The following HPSE2 variants were observed in gnomAD, a reference collection of about 807,000 sequenced individuals.
HPSE2 encodes heparanase 2 (inactive).
In HPSE2, 38 loss-of-function variants were observed where a neutral mutation model predicts 60.5. That is an observed-to-expected ratio of 0.63 (90% CI 0.48 to 0.82). The LOEUF is 0.82. Ranked by LOEUF, HPSE2 falls within the 40% of genes least tolerant of loss-of-function variation. HPSE2 has a pLI of 0.00. For synonymous variants in HPSE2, 295 were observed against 293.2 expected (o/e 1.01, Z -0.06); for missense variants, 713 against 740.4 (o/e 0.96, Z 0.43).
At chr10:98,924,493 T>C (rs1184874559) in intron 3 of HPSE2, 1 of 152,256 alleles carries the variant, frequency 6.6e-6, no homozygotes, top group East Asian at 1.9e-4. Context: ...GGAAAGGAAG[T>C]AAAGTGGAGG....
At chr10:98,713,555 G>A (rs537584433) in intron 5 of HPSE2, among the ~76,000 whole-genome samples, 141 of 151,936 alleles carry the variant, frequency 9.3e-4, no homozygotes, top group Admixed American at 2.6e-3. Context: ...GATGGTCTCT[G>A]AAAGTAAGAT....
intron 9 of HPSE2, among the ~76,000 whole-genome samples, chr10:98,502,344 A>G (rs1942053275): frequency 6.6e-6 from 1 of 152,230 alleles, no homozygotes; most frequent in Non-Finnish European, 1.5e-5. Flanking sequence ...AATGGTATAA[A>G]AATAGGCATA....
chr10:98,772,250 G>A (rs1232187918), intron 3 of HPSE2, among the ~76,000 whole-genome samples: 2 of 152,192 alleles, frequency 1.3e-5, no homozygotes, highest in Non-Finnish European at 1.5e-5. Flanking sequence ...ACATCCCCAG[G>A]GGCAAATATA....
rs545542979 is a variant in HPSE2 at position 99,145,575 on chromosome 10, A to T, written c.449-1176T>A. Among the ~76,000 whole-genome samples the T allele has an allele frequency of 3.7e-4, 56 of 149,582 alleles. 1 individual carries two copies. The highest frequency in any genetic ancestry group is 1.2e-3 in the East Asian group (6 of 5,006). On this transcript the variant is annotated intron_variant, in intron 2 of 11. Transcript: ENST00000370552. ...TAATTCAACTGATTCTCATAGGTAC[A>T]AATGATACCATCAGCAGTAATCTAG...
At chr10:98,565,185 T>C (rs1589429144) in intron 9 of HPSE2, among the ~76,000 whole-genome samples, 2 of 151,764 alleles carry the variant, frequency 1.3e-5, no homozygotes, top group South Asian at 2.1e-4. Context: ...TACTTTAAGT[T>C]CCAGGATACA....
chr10:98,984,333 C>T (rs1956282771), intron 3 of HPSE2, among the ~76,000 whole-genome samples: 1 of 152,174 alleles, frequency 6.6e-6, no homozygotes, highest in African/African-American at 2.4e-5. Context: ...TTGCTGTTTG[C>T]CAATATCCGC....
intron 3 of HPSE2, among the ~76,000 whole-genome samples, chr10:98,877,394 G>A (rs1282752180): frequency 6.6e-6 from 1 of 151,794 alleles, no homozygotes; most frequent in African/African-American, 2.4e-5. Flanking sequence ...AGGTAGTTTA[G>A]AAAAAATGCA....
the HPSE2 span, among the ~76,000 whole-genome samples, chr10:99,259,537 T>C: frequency 5.8e-3 from 882 of 152,218 alleles, 6 homozygotes; most frequent in African/African-American, 0.02. Flanking sequence ...GAAAAGATGC[T>C]CAACATCATT....
At chr10:98,759,522 A>G (rs1381347132) in intron 3 of HPSE2, among the ~76,000 whole-genome samples, 2 of 152,224 alleles carry the variant, frequency 1.3e-5, no homozygotes, top group East Asian at 3.9e-4. Context: ...TATATCCAGT[A>G]TCCCAATATC....
intron 11 of HPSE2, among the ~76,000 whole-genome samples, chr10:98,473,296 C>T (rs1456755600): frequency 1.3e-5 from 2 of 151,794 alleles, no homozygotes; most frequent in Admixed American, 6.6e-5. Context: ...ACCAGCCTGA[C>T]CAACATGGTG....
intron 3 of HPSE2, among the ~76,000 whole-genome samples, chr10:99,047,142 G>C (rs1283853158): frequency 2.0e-5 from 3 of 152,074 alleles, no homozygotes; most frequent in African/African-American, 7.2e-5. Flanking sequence ...CCATGAAACA[G>C]AGTAGCAAAC....
intron 9 of HPSE2, among the ~76,000 whole-genome samples, chr10:98,492,985 C>T (rs1486473400): frequency 6.6e-6 from 1 of 152,090 alleles, no homozygotes; most frequent in Non-Finnish European, 1.5e-5. Context: ...CTCTTCATTC[C>T]CCCTCCCCCA....
intron 11 of HPSE2, among the ~76,000 whole-genome samples, chr10:98,473,432 C>T (rs113425125): frequency 0.018 from 2,619 of 144,152 alleles, 37 homozygotes; most frequent in Non-Finnish European, 0.024. Context: ...TTGCAGTGAG[C>T]CGAGATTGCA....
intron 2 of HPSE2, among the ~76,000 whole-genome samples, chr10:99,227,837 CTA>C (rs35461640): frequency 0.015 from 2,077 of 142,306 alleles, 22 homozygotes; most frequent in African/African-American, 0.033. Context: ...AGTTGAATGT[CTA>C]TATATATATA....
chr10:98,708,907 T>C (rs1277311233), intron 5 of HPSE2, among the ~76,000 whole-genome samples: 6 of 152,144 alleles, frequency 3.9e-5, no homozygotes, highest in Admixed American at 3.9e-4. Flanking sequence ...GAAAAATAAT[T>C]AGATACAATT....
chr10:98,710,829 A>G (rs1175408543), intron 5 of HPSE2, among the ~76,000 whole-genome samples: 1 of 152,080 alleles, frequency 6.6e-6, no homozygotes, highest in Non-Finnish European at 1.5e-5. Context: ...CTGAGCCTAT[A>G]GTAAGAGAGC....
intron 3 of HPSE2, among the ~76,000 whole-genome samples, chr10:98,913,329 T>C (rs1447566720): frequency 6.6e-6 from 1 of 152,180 alleles, no homozygotes; most frequent in Non-Finnish European, 1.5e-5. Flanking sequence ...TCCTGCAACT[T>C]GGGTATTGTA....
chr10:98,974,752 C>T (rs148081871), intron 3 of HPSE2, among the ~76,000 whole-genome samples: 27 of 152,150 alleles, frequency 1.8e-4, no homozygotes, highest in Admixed American at 1.6e-3. Context: ...ATGGAAGACA[C>T]AATATAATCA....
At chr10:99,307,796 AAAG>A in the HPSE2 span, among the ~76,000 whole-genome samples, 1 of 151,128 alleles carries the variant, frequency 6.6e-6, no homozygotes, top group African/African-American at 2.5e-5. Context: ...TGAGCATAAT[AAAG>A]AAGAGTCCCC....
Sources: gnomAD v4.1 joint callset for allele counts (sites outside exome capture counted in the v4.1 genomes callset) on GRCh38, gnomAD v4.1.1 for gene constraint, MANE v1.5 for transcripts, NCBI Gene and HGNC (gene_info 2026-07-23, HGNC 2026-07-21) for gene names.